Variants in WNT3A observed in about 807,000 individuals in gnomAD.
WNT3A encodes Wnt family member 3A, also known as protein Wnt-3a.
In WNT3A, 17 loss-of-function variants were observed where a neutral mutation model predicts 37.0. That is an observed-to-expected ratio of 0.46 (90% CI 0.31 to 0.69). The LOEUF (loss-of-function observed/expected upper bound fraction) is 0.69, where lower values mean the gene tolerates loss of function less well. Among genes scored for constraint, WNT3A ranks in the 30% least tolerant of loss-of-function variants. WNT3A has a pLI of 0.05. For synonymous variants in WNT3A, 187 were observed against 211.0 expected, an observed-to-expected ratio of 0.89 and a Z score of 0.99; for missense variants, 411 against 510.2, an observed-to-expected ratio of 0.81 and a Z score of 1.87.
In WNT3A at chr1:228,013,429, C is replaced by T. The variant is rs190750873; in HGVS notation, c.71+6230C>T. On this transcript the variant is annotated intron_variant, in intron 1 of 3. Coordinates refer to ENST00000284523, the MANE Select transcript of WNT3A (RefSeq NM_033131.4). ...CTTCCACATTCCTTCCCCGGCAAAACGTGCCGCTGCCGCCCAGGGAAACTG... is the reference window on the plus strand; with the variant it reads ...CTTCCACATTCCTTCCCCGGCAAAATGTGCCGCTGCCGCCCAGGGAAACTG... 2.5e-3 allele frequency among the ~76,000 whole-genome samples: 375 copies of T among 152,354 alleles called. 1 individual carries two copies. Among genetic ancestry groups the T allele is most frequent in the African/African-American group, 8.6e-3 (358 of 41,586 alleles).
chr1:228,053,520 T>C (rs1313026247), intron 3 of WNT3A, among the ~76,000 whole-genome samples: 2 of 152,118 alleles, frequency 1.3e-5, no homozygotes, highest in Non-Finnish European at 2.9e-5. Flanking sequence ...AAGACACCAC[T>C]ATGGGACTGA....
rs1242972469 is a variant in WNT3A, at chr1:228,055,173, AAAAAAAATATATATATATATAT to A, written c.580-3811_580-3790del. Among the ~76,000 whole-genome samples, 21 of 72,348 alleles carry A rather than the reference AAAAAAAATATATATATATATAT, an allele frequency of 2.9e-4. 2 individuals are homozygous for A. Among genetic ancestry groups the A allele is most frequent in the African/African-American group, 1.2e-3 (18 of 15,208 alleles). 47.5% of individuals were successfully genotyped at this position (72,348 alleles called of 152,430 possible). ...AACTCCGTCCCAAAAAAAAAAAAAAAAAAAAAATATATATATATATATATATATATATATATATATATATATA... is the reference window on the plus strand; with the variant it reads ...AACTCCGTCCCAAAAAAAAAAAAAAAATATATATATATATATATATATATA... On this transcript the variant is annotated intron_variant, in intron 3 of 3. Transcript: ENST00000284523.
At chr1:228,058,937 G>A in intron 3 of WNT3A, 49 bp from the exon 4 acceptor site, 1 of 1,531,688 alleles carries the variant, frequency 6.5e-7, no homozygotes, top group Admixed American at 1.9e-5. Context: ...TCCTCGGGGA[G>A]ACGCACCAGG....
At chr1:228,033,612 G>A (rs1267125693) in intron 2 of WNT3A, among the ~76,000 whole-genome samples, 5 of 152,142 alleles carry the variant, frequency 3.3e-5, no homozygotes, top group East Asian at 1.9e-4. Context: ...CCTCCTGCTC[G>A]TCTTTCTTTT....
At chr1:228,055,747 T>C (rs2031672337) in intron 3 of WNT3A, among the ~76,000 whole-genome samples, 1 of 152,154 alleles carries the variant, frequency 6.6e-6, no homozygotes. Context: ...AATATGGGGC[T>C]GAAAACAGGA....
At chr1:228,010,440 G>A (rs1466328567) in intron 1 of WNT3A, among the ~76,000 whole-genome samples, 1 of 152,152 alleles carries the variant, frequency 6.6e-6, no homozygotes, top group African/African-American at 2.4e-5. Context: ...TGGCACTCCC[G>A]CCACGGCCAC....
At chr1:228,058,269 A>T (rs1446345088) in intron 3 of WNT3A, among the ~76,000 whole-genome samples, 2 of 152,212 alleles carry the variant, frequency 1.3e-5, no homozygotes, top group African/African-American at 4.8e-5. Context: ...TTCTGAATTC[A>T]CACTGCCATG....
At chr1:228,036,708 C>T (rs1369717069) in intron 2 of WNT3A, among the ~76,000 whole-genome samples, 1 of 152,220 alleles carries the variant, frequency 6.6e-6, no homozygotes, top group African/African-American at 2.4e-5. Flanking sequence ...GACCCAGGCA[C>T]TGGGAGGGCT....
intron 1 of WNT3A, among the ~76,000 whole-genome samples, chr1:228,014,369 G>A (rs999552661): frequency 6.6e-6 from 1 of 152,234 alleles, no homozygotes; most frequent in East Asian, 1.9e-4. Context: ...CCACACGCCT[G>A]CATGGAGCAT....
In WNT3A at chr1:228,011,434, G is replaced by A. The variant is rs537892631; in HGVS notation, c.71+4235G>A. Among the ~76,000 whole-genome samples the A allele has an allele frequency of 3.9e-5, 6 of 152,156 alleles. No individual in the cohort carries two copies. In the South Asian group the frequency reaches 8.3e-4, roughly 21 times the overall value. On this transcript the variant is annotated intron_variant, in intron 1 of 3. Transcript: ENST00000284523. ...CCCCTTCTTCCTTCTCCCTTCGCCC[G>A]CATCTGTCTGTGTCTCTCTGTCTCT...
intron 3 of WNT3A, among the ~76,000 whole-genome samples, chr1:228,052,176 G>A (rs2031569454): frequency 6.6e-6 from 1 of 151,922 alleles, no homozygotes; most frequent in Admixed American, 6.6e-5. Context: ...GGGGGGGTGG[G>A]GACACAGGGT....
chr1:228,023,730 A>G (rs889653845), intron 2 of WNT3A, among the ~76,000 whole-genome samples: 1 of 152,244 alleles, frequency 6.6e-6, no homozygotes, highest in African/African-American at 2.4e-5. Context: ...AGCATTTGGT[A>G]TACTCACAGA....
At chr1:228,047,323 G>C (rs903074339) in intron 2 of WNT3A, among the ~76,000 whole-genome samples, 4 of 152,204 alleles carry the variant, frequency 2.6e-5, no homozygotes, top group African/African-American at 7.2e-5. Flanking sequence ...GAGGGGCTCA[G>C]GGGGCTTTGT....
At chr1:228,015,368 T>C (rs1327272016) in intron 1 of WNT3A, among the ~76,000 whole-genome samples, 3 of 152,242 alleles carry the variant, frequency 2.0e-5, no homozygotes, top group African/African-American at 7.2e-5. Flanking sequence ...CAGAGGGATA[T>C]CTGGTGTCCC....
At chr1:228,046,879 T>C (rs1345259219) in intron 2 of WNT3A, among the ~76,000 whole-genome samples, 1 of 152,020 alleles carries the variant, frequency 6.6e-6, no homozygotes, top group Non-Finnish European at 1.5e-5. Flanking sequence ...TGCATGTGTG[T>C]GTGGTATGCA....
intron 2 of WNT3A, among the ~76,000 whole-genome samples, chr1:228,043,859 AC>A (rs2102775861): frequency 6.6e-6 from 1 of 151,990 alleles, no homozygotes; most frequent in Admixed American, 6.5e-5. Flanking sequence ...TCCCTCTAGA[AC>A]CTTGGGTGGA....
At chr1:228,026,653 C>A (rs2030860731) in intron 2 of WNT3A, among the ~76,000 whole-genome samples, 2 of 152,156 alleles carry the variant, frequency 1.3e-5, no homozygotes, top group Non-Finnish European at 2.9e-5. Context: ...CATGATATCA[C>A]TCTGTATGCC....
chr1:228,036,316 ATG>A (rs993384655), intron 2 of WNT3A, among the ~76,000 whole-genome samples: 8 of 151,988 alleles, frequency 5.3e-5, no homozygotes, highest in Non-Finnish European at 8.8e-5. Context: ...TGAGGGGTGC[ATG>A]TGTGTGCCTA....
In WNT3A at chr1:228,008,195, A is replaced by G. The variant is rs918385810; in HGVS notation, c.71+996A>G. Among the ~76,000 whole-genome samples the G allele has an allele frequency of 3.3e-5, 5 of 152,128 alleles. No individual in the cohort carries two copies. The highest frequency in any genetic ancestry group is 2.1e-4 in the South Asian group (1 of 4,828). The stretch of plus-strand genomic sequence containing the variant: ...CCCAAGATTGAGGAACACAAGTGGG[A>G]GGAATGTGGGCGCGCAGGGCCGGGC... On this transcript the variant is annotated intron_variant, in intron 1 of 3. Transcript: ENST00000284523. This position sits in a 1 kb window ranked among gnomAD's most constrained non-coding sequence, Gnocchi z 4.9.
Sources: allele counts gnomAD v4.1 joint callset (sites outside exome capture counted in the v4.1 genomes callset), GRCh38; gene constraint gnomAD v4.1.1; non-coding constraint Gnocchi (gnomAD v3.1); transcripts MANE v1.5; gene names NCBI Gene and HGNC (gene_info 2026-07-23, HGNC 2026-07-21).